The following CFTR variants were observed in gnomAD, a reference collection of about 807,000 sequenced individuals.
CFTR encodes CF transmembrane conductance regulator.
Under a neutral mutation model 171.6 loss-of-function variants are expected in CFTR, and 181 were observed. The ratio of observed to expected loss-of-function variants is 1.05; its 90% confidence interval spans 0.93 to 1.19. The LOEUF is 1.19. CFTR is among the 50% of genes most tolerant of loss of function. The probability of loss-of-function intolerance (pLI) is 0.00; values close to 1 mark genes in which losing one functional copy is unlikely to be tolerated. For synonymous variants in CFTR, 583 were observed against 608.0 expected (o/e 0.96, Z 0.60); for missense variants, 1,968 against 1,734.7 (o/e 1.13, Z -2.39).
At chr7:117,609,970 ATAGAATGGGGAGAGTAT>A (rs1217952028) in intron 18 of CFTR, among the ~76,000 whole-genome samples, 1 of 151,994 alleles carries the variant, frequency 6.6e-6, no homozygotes, top group East Asian at 1.9e-4. Context: ...CTGACTAGGA[ATAGAATGGGGAGAGTAT>A]TTAGTCCAAC....
chr7:117,615,306 A>G (rs917219771), intron 21 of CFTR, among the ~76,000 whole-genome samples: 1 of 152,038 alleles, frequency 6.6e-6, no homozygotes, highest in African/African-American at 2.4e-5. Flanking sequence ...ATACATTTCA[A>G]ACATAATCCC....
Position 117,592,659 on chromosome 7 carries a change from T to C in CFTR, c.2490+2T>C, listed in dbSNP as rs1057516216. The C allele has an allele frequency of 3.3e-6, 5 of 1,534,630 alleles. No individual in the cohort carries two copies. Among genetic ancestry groups the C allele is most frequent in the Middle Eastern group, 1.7e-4 (1 of 5,744 alleles). On this transcript the variant is annotated splice_donor_variant, in intron 14 of 26. Transcript: ENST00000003084. LOFTEE classifies it high-confidence loss of function. Reference sequence around the variant, plus strand: ...GAAATTAACGAAGAAGACTTAAAGGTAGGTATACATCGCTTGGGGGTATTT... The same window carrying C: ...GAAATTAACGAAGAAGACTTAAAGGCAGGTATACATCGCTTGGGGGTATTT...
chr7:117,567,631 C>T (rs1791623214), intron 11 of CFTR, among the ~76,000 whole-genome samples: 1 of 152,132 alleles, frequency 6.6e-6, no homozygotes, highest in Admixed American at 6.5e-5. Flanking sequence ...AGGGATGTTG[C>T]CTGCAAGTAT....
At chr7:117,505,728 A>G (rs1798403091) in intron 2 of CFTR, among the ~76,000 whole-genome samples, 3 of 152,208 alleles carry the variant, frequency 2.0e-5, no homozygotes, top group Admixed American at 2.0e-4. Context: ...GTGAAGGGGG[A>G]TAAAAAATAA....
At chr7:117,619,501 CT>C (rs1792540094) in intron 21 of CFTR, among the ~76,000 whole-genome samples, 1 of 152,064 alleles carries the variant, frequency 6.6e-6, no homozygotes, top group South Asian at 2.1e-4. Context: ...TACTTTTTGT[CT>C]TTTACTGCTT....
chr7:117,519,770 G>A (rs1183056447), intron 3 of CFTR, among the ~76,000 whole-genome samples: 1 of 151,890 alleles, frequency 6.6e-6, no homozygotes, highest in Non-Finnish European at 1.5e-5. Context: ...TTACTTTCAT[G>A]AATCATATGG....
At chr7:117,650,937 T>C (rs950412390) in intron 23 of CFTR, among the ~76,000 whole-genome samples, 1 of 151,970 alleles carries the variant, frequency 6.6e-6, no homozygotes, top group African/African-American at 2.4e-5. Context: ...GGAGCACGGG[T>C]TTAGAGACAA....
chr7:117,532,226 T>C (rs1798877069), intron 4 of CFTR, among the ~76,000 whole-genome samples: 1 of 152,068 alleles, frequency 6.6e-6, no homozygotes, highest in East Asian at 1.9e-4. Context: ...TTGTTAGATA[T>C]CATTTGGAAT....
chr7:117,597,891 G>C (rs564969314), intron 15 of CFTR, among the ~76,000 whole-genome samples: 3 of 152,210 alleles, frequency 2.0e-5, no homozygotes, highest in African/African-American at 4.8e-5. Flanking sequence ...CGACACAAGA[G>C]GTGCCTGAAG....
chr7:117,496,916 C>A (rs529500370), intron 1 of CFTR, among the ~76,000 whole-genome samples: 13 of 150,706 alleles, frequency 8.6e-5, no homozygotes, highest in South Asian at 2.1e-4. Context: ...TTTTCTTTTT[C>A]TTTTTTTCTT....
intron 24 of CFTR, among the ~76,000 whole-genome samples, chr7:117,654,487 T>G (rs1372440681): frequency 6.6e-6 from 1 of 151,932 alleles, no homozygotes; most frequent in Non-Finnish European, 1.5e-5. Context: ...AATTATAATT[T>G]CCATAATCTC....
intron 21 of CFTR, among the ~76,000 whole-genome samples, chr7:117,620,107 T>G (rs1792552046): frequency 6.6e-6 from 1 of 152,152 alleles, no homozygotes; most frequent in South Asian, 2.1e-4. Flanking sequence ...AATGGTTTCT[T>G]GATCATGTCT....
Position 117,592,418 on chromosome 7 carries a change from C to G in CFTR, c.2251C>G (p.Arg751Gly). 6.2e-7 allele frequency: 1 copy of G among 1,612,940 alleles called. No individual in the cohort carries two copies. The highest frequency in any genetic ancestry group is 8.5e-7 in the Non-Finnish European group (1 of 1,179,446). Residue 751 changes from arginine (R) to glycine (G), a missense_variant, in exon 14 of 27, where the codon CGC becomes GGC. Transcript: ENST00000003084. ...DSEQGEAILP[R>G]ISVISTGPTL... ...TGAGCAGGGAGAGGCGATACTGCCT[C>G]GCATCAGCGTGATCAGCACTGGCCC...
chr7:117,594,941 T>G lies in CFTR; in HGVS notation c.2502T>G (p.Phe834Leu), dbSNP rs200735475. ...ATTCTTTTATTCAGGAGTGCTTTTT[T>G]GATGATATGGAGAGCATACCAGCAG... ...INEEDLKECF[F>L]DDMESIPAVT... Residue 834 changes from phenylalanine to leucine, a missense_variant, in exon 15 of 27, where the codon TTT (phenylalanine) becomes TTG (leucine). Phe to Leu is a conservative substitution (Grantham distance 22). Coordinates refer to ENST00000003084, the MANE Select transcript of CFTR (RefSeq NM_000492.4). 357 of 1,613,160 alleles carry G rather than the reference T, an allele frequency of 2.2e-4. 1 individual carries two copies. The highest frequency in any genetic ancestry group is 7.1e-4 in the South Asian group (65 of 91,066).
At chr7:117,650,111 G>T (rs1793067006) in intron 23 of CFTR, among the ~76,000 whole-genome samples, 1 of 151,418 alleles carries the variant, frequency 6.6e-6, no homozygotes, top group African/African-American at 2.4e-5. Context: ...CATCTTAAAG[G>T]CCTGAGTGTA....
Position 117,535,290 on chromosome 7 carries a change from G to A in CFTR, c.622G>A (p.Val208Met). 6.2e-7 allele frequency: 1 copy of A among 1,614,104 alleles called. No individual in the cohort carries two copies. Among genetic ancestry groups the A allele is most frequent in the Non-Finnish European group, 8.5e-7 (1 of 1,180,000 alleles). ...TTTCGTGTGGATCGCTCCTTTGCAA[G>A]TGGCACTCCTCATGGGGCTAATCTG... ...AHFVWIAPLQ[V>M]ALLMGLIWEL... Residue 208 changes from valine to methionine, a missense_variant, in exon 6 of 27, where the codon GTG becomes ATG. Val to Met is a conservative substitution (Grantham distance 21). Transcript: ENST00000003084.
At position 117,595,031 on chromosome 7, in the gene CFTR, T is replaced by A; in HGVS notation, c.2592T>A (p.Ile864=). 1 of 1,612,968 alleles carries A rather than the reference T, an allele frequency of 6.2e-7. No homozygotes were observed. Among genetic ancestry groups the A allele is most frequent in the Non-Finnish European group, 8.5e-7 (1 of 1,179,378 alleles). ...ACAAGAGCTTAATTTTTGTGCTAAT[T>A]TGGTGCTTAGTAATTTTTCTGGCAG... ...TVHKSLIFVL[I]WCLVIFLAEV... is the part of the protein sequence containing the mutation. Residue 864 remains isoleucine, a synonymous_variant, in exon 15 of 27, where the codon ATT becomes ATA. Coordinates refer to ENST00000003084, the MANE Select transcript of CFTR (RefSeq NM_000492.4).
chr7:117,501,776 CAAAAAA>C (rs796991857), intron 1 of CFTR, among the ~76,000 whole-genome samples: 1 of 84,340 alleles, frequency 1.2e-5, no homozygotes, highest in Non-Finnish European at 2.7e-5. Flanking sequence ...AAAAAAGAAA[CAAAAAA>C]AAAAAAAAAA....
chr7:117,630,111 G>A (rs1421689760), intron 22 of CFTR, among the ~76,000 whole-genome samples: 1 of 152,158 alleles, frequency 6.6e-6, no homozygotes. Flanking sequence ...CAATAACAAA[G>A]CTTAAGTTTC....
Sources: allele counts gnomAD v4.1 joint callset (sites outside exome capture counted in the v4.1 genomes callset), GRCh38; gene constraint gnomAD v4.1.1; transcripts MANE v1.5; gene names NCBI Gene and HGNC (gene_info 2026-07-23, HGNC 2026-07-21).